The following ELP4 variants were observed in gnomAD, a reference collection of about 807,000 sequenced individuals.
ELP4 encodes elongator complex protein 4.
Under a neutral mutation model 48.9 loss-of-function variants are expected in ELP4, and 51 were observed. The ratio of observed to expected loss-of-function variants is 1.04; its 90% CI spans 0.83 to 1.32. The LOEUF (loss-of-function observed/expected upper bound fraction) is 1.32. Among genes scored for constraint, ELP4 ranks in the 40% most tolerant of loss-of-function variants. The probability of loss-of-function intolerance (pLI) is 0.00; values close to 1 mark genes in which losing one functional copy is unlikely to be tolerated. For synonymous variants in ELP4, 210 were observed against 189.2 expected (o/e 1.11, Z -0.90); for missense variants, 519 against 514.6 (o/e 1.01, Z -0.08).
intron 6 of ELP4, among the ~76,000 whole-genome samples, chr11:31,630,249 A>C (rs544187779): frequency 1.6e-5 from 2 of 122,596 alleles, no homozygotes; most frequent in South Asian, 2.4e-4. Context: ...TTTTTTTATA[A>C]TTTCATTCTT....
intron 5 of ELP4, among the ~76,000 whole-genome samples, chr11:31,605,308 C>T (rs1207104725): frequency 6.6e-6 from 1 of 152,026 alleles, no homozygotes; most frequent in African/African-American, 2.4e-5. Flanking sequence ...GAAATACCAC[C>T]TGCCTTACTA....
At chr11:31,579,741 CA>C (rs1034687114) in intron 3 of ELP4, among the ~76,000 whole-genome samples, 31 of 140,028 alleles carry the variant, frequency 2.2e-4, no homozygotes, top group African/African-American at 8.4e-4. Context: ...ACAGTGAGAA[CA>C]CTTGGACACA....
intron 9 of ELP4, chr11:31,662,885 A>G (rs1223597357): frequency 8.2e-6 from 2 of 242,520 alleles, no homozygotes; most frequent in Non-Finnish European, 1.6e-5. Context: ...CTTCAAAGCC[A>G]GCTTCTCATT....
intron 5 of ELP4, among the ~76,000 whole-genome samples, chr11:31,625,736 T>A (rs1446647741): frequency 6.6e-6 from 1 of 151,870 alleles, no homozygotes; most frequent in East Asian, 1.9e-4. Flanking sequence ...CTTGCAGCTT[T>A]TACCACTTGT....
chr11:31,631,889 A>T (rs577481916), intron 6 of ELP4, among the ~76,000 whole-genome samples: 1 of 152,216 alleles, frequency 6.6e-6, no homozygotes, highest in South Asian at 2.1e-4. Context: ...TCTAGTTTAG[A>T]TTTCATCATT....
chr11:31,729,127 A>G lies in ELP4; in HGVS notation c.1144-54266A>G, dbSNP rs567247985. Among the ~76,000 whole-genome samples, 16 of 152,302 alleles carry G rather than the reference A, an allele frequency of 1.1e-4. No individual in the cohort carries two copies. In the South Asian group the frequency reaches 3.3e-3, roughly 32 times the overall value. ...AGGTTTTAAACTAGTGAAACAGAAT[A>G]TTGTAATTGTAGCTCATTTTAAAAT... On this transcript the variant is annotated intron_variant, in intron 9 of 9. Transcript: ENST00000640961.
At chr11:31,560,211 G>A (rs1956995151) in intron 3 of ELP4, among the ~76,000 whole-genome samples, 1 of 152,062 alleles carries the variant, frequency 6.6e-6, no homozygotes, top group African/African-American at 2.4e-5. Flanking sequence ...TTTAGGTGTT[G>A]ACAGTAGATA....
intron 3 of ELP4, chr11:31,580,646 C>G (rs1426323231): frequency 1.3e-5 from 2 of 154,738 alleles, no homozygotes; most frequent in Non-Finnish European, 2.9e-5. Flanking sequence ...TTCTCCTTCC[C>G]TATATAACTT....
intron 9 of ELP4, among the ~76,000 whole-genome samples, chr11:31,771,705 C>T (rs1045071967): frequency 3.3e-5 from 5 of 152,164 alleles, no homozygotes; most frequent in East Asian, 1.9e-4. Flanking sequence ...AGTGGCCGGG[C>T]TCAGTGGCTC....
At chr11:31,744,424 G>A (rs535940882) in intron 9 of ELP4, among the ~76,000 whole-genome samples, 251 of 152,192 alleles carry the variant, frequency 1.6e-3, no homozygotes, top group African/African-American at 5.7e-3. Context: ...CCAAAGCCTG[G>A]CAGAGACACA....
At chr11:31,533,755 A>G (rs1956448486) in intron 2 of ELP4, among the ~76,000 whole-genome samples, 1 of 152,122 alleles carries the variant, frequency 6.6e-6, no homozygotes, top group African/African-American at 2.4e-5. Context: ...ACTAAATTGA[A>G]GGAGGAGGAT....
intron 2 of ELP4, among the ~76,000 whole-genome samples, chr11:31,537,605 A>G (rs776735309): frequency 9.9e-5 from 15 of 152,202 alleles, no homozygotes; most frequent in South Asian, 2.1e-4. Context: ...CTTAAAAGTC[A>G]TGGCCAAAGG....
chr11:31,685,383 T>A (rs1946139403), intron 9 of ELP4, among the ~76,000 whole-genome samples: 1 of 151,804 alleles, frequency 6.6e-6, no homozygotes, highest in African/African-American at 2.4e-5. Flanking sequence ...GCAAAGGAAA[T>A]TTAATTGAAA....
At chr11:31,662,083 T>C (rs58379699) in intron 9 of ELP4, among the ~76,000 whole-genome samples, 4,034 of 152,096 alleles carry the variant, frequency 0.027, 168 homozygotes, top group African/African-American at 0.092. Context: ...ACCATTCTGA[T>C]CCAAACAGAA....
At chr11:31,602,759 A>G (rs1012462092) in intron 4 of ELP4, among the ~76,000 whole-genome samples, 2 of 151,916 alleles carry the variant, frequency 1.3e-5, no homozygotes, top group Admixed American at 6.6e-5. Flanking sequence ...TCTACTATGT[A>G]TAGTTCTTCA....
chr11:31,788,509 T>C lies in ELP4; in HGVS notation c.*4985T>C, dbSNP rs1410864375. The C allele has an allele frequency of 4.5e-6, 1 of 223,390 alleles. No individual in the cohort carries two copies. The highest frequency in any genetic ancestry group is 8.9e-6 in the Non-Finnish European group (1 of 111,952). 13.8% of individuals were successfully genotyped at this position (223,390 alleles called of 1,614,324 possible). A position where few individuals can be genotyped will look rare whatever the true frequency, so the allele number is the denominator to read the frequency against. ...GAAAAAGGCAACAGCTTTCAGAAAG[T>C]CTCCTTTAAGAAATCTACTTTTGAA... On this transcript the variant is annotated 3_prime_UTR_variant, in exon 10 of 10. Coordinates refer to ENST00000640961, the MANE Select transcript of ELP4 (RefSeq NM_019040.5).
intron 5 of ELP4, among the ~76,000 whole-genome samples, chr11:31,621,699 G>T (rs1326407462): frequency 6.6e-6 from 1 of 151,808 alleles, no homozygotes; most frequent in Non-Finnish European, 1.5e-5. Flanking sequence ...TGTAAGTAAG[G>T]CCTTGGTGGA....
At chr11:31,755,272 A>C (rs1300960357) in intron 9 of ELP4, among the ~76,000 whole-genome samples, 1 of 152,234 alleles carries the variant, frequency 6.6e-6, no homozygotes, top group Admixed American at 6.5e-5. Flanking sequence ...GGAAAGAGGG[A>C]AATAGAGAAT....
At chr11:31,612,554 G>A (rs1592158554) in intron 5 of ELP4, among the ~76,000 whole-genome samples, 1 of 152,156 alleles carries the variant, frequency 6.6e-6, no homozygotes, top group African/African-American at 2.4e-5. Flanking sequence ...TGAACAAAAT[G>A]TTGGATCATG....
Sources: allele counts gnomAD v4.1 joint callset (sites outside exome capture counted in the v4.1 genomes callset), GRCh38; gene constraint gnomAD v4.1.1; transcripts MANE v1.5; gene names NCBI Gene and HGNC (gene_info 2026-07-23, HGNC 2026-07-21).